Variants in AP1G1 observed in about 807,000 individuals in gnomAD.
AP1G1 encodes the protein adaptor related protein complex 1 subunit gamma 1, also known as AP-1 complex subunit gamma-1.
AP1G1 carries 7 observed loss-of-function variants against 108.3 expected under a neutral mutation model. The observed-to-expected ratio is 0.06, with a 90% CI of 0.04 to 0.12. AP1G1 has a LOEUF of 0.12. Among genes scored for constraint, AP1G1 ranks in the 10% least tolerant of loss-of-function variants. The pLI, the probability that AP1G1 is intolerant of heterozygous loss-of-function variation, is 1.00. For missense variants in AP1G1, 756 were observed against 1,010.7 expected (o/e 0.75, Z 3.42); for synonymous variants, 379 against 353.5 (o/e 1.07, Z -0.81).
intron 13 of AP1G1, among the ~76,000 whole-genome samples, chr16:71,753,150 C>T (rs769041053): frequency 6.6e-6 from 1 of 152,140 alleles, no homozygotes; most frequent in Non-Finnish European, 1.5e-5. Context: ...GTTTTCTTTA[C>T]ATGTCACTGC....
rs539533315 is a variant in AP1G1, at chr16:71,762,751, C to G, written c.919-1184G>C. 5.3e-5 allele frequency among the ~76,000 whole-genome samples: 8 copies of G among 152,274 alleles called. No individual in the cohort carries two copies. The South Asian group carries it at 1.7e-3, about 32-fold the overall frequency. The stretch of plus-strand genomic sequence containing the variant: ...GGCTGTTCATCTATATCCTTTATAA[C>G]AAACCAGCAAGCATAAGTAAAGTGT... On this transcript the variant is annotated intron_variant, in intron 9 of 22. Transcript: ENST00000299980.
intron 2 of AP1G1, among the ~76,000 whole-genome samples, chr16:71,787,180 G>A (rs1037828342): frequency 2.0e-5 from 3 of 151,980 alleles, no homozygotes; most frequent in African/African-American, 7.3e-5. Flanking sequence ...TTAGCCGGGT[G>A]TGGTGGCACA....
At chr16:71,772,939 T>C (rs1353368029) in intron 4 of AP1G1, 1 of 456,710 alleles carries the variant, frequency 2.2e-6, no homozygotes, top group East Asian at 5.4e-5. Context: ...AGTAAATTCA[T>C]AAAAATCTGT....
intron 1 of AP1G1, chr16:71,808,298 T>C: frequency 1.2e-6 from 1 of 828,202 alleles, no homozygotes; most frequent in Non-Finnish European, 1.6e-6. Context: ...AGGACGGCAC[T>C]GCAGGGGCAG....
chr16:71,787,306 G>T (rs941721949), intron 2 of AP1G1, among the ~76,000 whole-genome samples: 1 of 125,026 alleles, frequency 8.0e-6, no homozygotes, highest in African/African-American at 3.2e-5. Flanking sequence ...GCAACACAGC[G>T]AGACTCTGTC....
Position 71,803,800 on chromosome 16 carries a change from C to A in AP1G1, c.-4+4963G>T, listed in dbSNP as rs141876498. 3.6e-3 allele frequency among the ~76,000 whole-genome samples: 544 copies of A among 151,770 alleles called. 8 individuals carry two copies. The highest frequency in any genetic ancestry group is 0.013 in the African/African-American group (520 of 41,386). On this transcript the variant is annotated intron_variant, in intron 1 of 22. Coordinates refer to ENST00000299980, the MANE Select transcript of AP1G1 (RefSeq NM_001128.6). ...ATTAGCTAGGCATGGTGGCGCACAC[C>A]TGTAGTCCCAGCTACTCGGGAGGCT...
intron 1 of AP1G1, among the ~76,000 whole-genome samples, chr16:71,801,825 G>A (rs942812272): frequency 1.3e-5 from 2 of 151,776 alleles, no homozygotes; most frequent in Non-Finnish European, 2.9e-5. Context: ...TGGAGACTGA[G>A]GCAGGAGAAT....
intron 18 of AP1G1, 53 bp downstream of exon 18, chr16:71,745,420 A>G: frequency 6.2e-7 from 1 of 1,613,334 alleles, no homozygotes; most frequent in South Asian, 1.1e-5. Context: ...ACAAGCTGTA[A>G]GGGACTATAA....
chr16:71,794,514 G>A (rs1197234592), intron 1 of AP1G1, among the ~76,000 whole-genome samples: 1 of 151,962 alleles, frequency 6.6e-6, no homozygotes, highest in African/African-American at 2.4e-5. Context: ...ACAGTTATAT[G>A]ATAAATAATG....
At chr16:71,780,441 C>T (rs1160785543) in intron 2 of AP1G1, among the ~76,000 whole-genome samples, 1 of 148,464 alleles carries the variant, frequency 6.7e-6, no homozygotes, top group African/African-American at 2.5e-5. Flanking sequence ...CAGTGAACTA[C>T]GATTGCACCA....
rs1427626919 is a variant in AP1G1, at chr16:71,745,161, C to A, written c.1982G>T (p.Gly661Val). 1 of 1,614,098 alleles carries A rather than the reference C, an allele frequency of 6.2e-7. No homozygotes were observed. Among genetic ancestry groups the A allele is most frequent in the African/African-American group, 1.3e-5 (1 of 75,026 alleles). ...SAGGELLDLL[G>V]DINLTGAPAA... ...TGCCTCACCTGTAAGGTTGATGTCT[C>A]CCAGCAAATCAAGAAGTTCTCCACC... The change falls in exon 19 of 23, where the codon GGA (glycine) becomes GTA (valine). Residue 661 changes from glycine to valine, a missense_variant. Coordinates refer to ENST00000299980, the MANE Select transcript of AP1G1 (RefSeq NM_001128.6).
At chr16:71,794,609 G>C (rs1388381945) in intron 1 of AP1G1, among the ~76,000 whole-genome samples, 2 of 151,670 alleles carry the variant, frequency 1.3e-5, no homozygotes, top group Non-Finnish European at 2.9e-5. Context: ...GGGTTTTGGA[G>C]CTTAAACTAA....
In AP1G1 at chr16:71,799,949, G is replaced by A. The variant is rs368316979; in HGVS notation, c.-4+8814C>T. On this transcript the variant is annotated intron_variant, in intron 1 of 22. Coordinates refer to ENST00000299980, the MANE Select transcript of AP1G1 (RefSeq NM_001128.6). ...ATAAAAAATTATATTGGCTGGGTGCGGTGGCTCACGCCTGTAACCCCAGCA... is the reference window on the plus strand; with the variant it reads ...ATAAAAAATTATATTGGCTGGGTGCAGTGGCTCACGCCTGTAACCCCAGCA... Among the ~76,000 whole-genome samples, 110 of 150,814 alleles carry A rather than the reference G, an allele frequency of 7.3e-4. 1 individual carries two copies. The highest frequency in any genetic ancestry group is 2.0e-3 in the African/African-American group (81 of 41,094).
intron 12 of AP1G1, 120 bp downstream of exon 12, chr16:71,755,899 C>G (rs2030760746): frequency 9.1e-7 from 1 of 1,093,874 alleles, no homozygotes; most frequent in Admixed American, 2.5e-5. Flanking sequence ...CTGCCTTGGC[C>G]TCCCAAACTG....
At chr16:71,798,755 G>C (rs1373285266) in intron 1 of AP1G1, among the ~76,000 whole-genome samples, 1 of 151,902 alleles carries the variant, frequency 6.6e-6, no homozygotes, top group Admixed American at 6.6e-5. Context: ...GGGCATGGTG[G>C]CGGGCACCTG....
rs371174017 is a variant in AP1G1 at position 71,767,587 on chromosome 16, G to A, written c.643-2003C>T. On this transcript the variant is annotated intron_variant, in intron 6 of 22. Coordinates refer to ENST00000299980, the MANE Select transcript of AP1G1 (RefSeq NM_001128.6). ...GAATTGCCATCACCAAAGCCACTGG[G>A]AAACTGCTCAAAGTTTCTCAAGTAA... is the stretch of plus-strand genomic sequence containing the variant. Among the ~76,000 whole-genome samples the A allele has an allele frequency of 3.4e-4, 52 of 152,256 alleles. 2 individuals carry two copies. In the East Asian group the frequency reaches 9.2e-3, roughly 27 times the overall value.
At chr16:71,783,650 T>C (rs968404522) in intron 2 of AP1G1, among the ~76,000 whole-genome samples, 2 of 152,014 alleles carry the variant, frequency 1.3e-5, no homozygotes, top group East Asian at 1.9e-4. Flanking sequence ...GGGAAGAATA[T>C]CCTACACAGG....
chr16:71,745,840 C>T (rs925125090), intron 17 of AP1G1, among the ~76,000 whole-genome samples: 1 of 111,442 alleles, frequency 9.0e-6, no homozygotes, highest in Non-Finnish European at 2.0e-5. Context: ...CAGCTAAATC[C>T]CAAAGCATAT....
chr16:71,778,056 C>T (rs967889167), intron 2 of AP1G1, among the ~76,000 whole-genome samples: 3 of 152,152 alleles, frequency 2.0e-5, no homozygotes, highest in African/African-American at 7.2e-5. Flanking sequence ...CTAAAATTTG[C>T]TCTCTTCCTC....
Sources: allele counts gnomAD v4.1 joint callset (sites outside exome capture counted in the v4.1 genomes callset), GRCh38; gene constraint gnomAD v4.1.1; transcripts MANE v1.5; gene names NCBI Gene and HGNC (gene_info 2026-07-23, HGNC 2026-07-21).